Variants in RALGAPA2 observed in about 807,000 individuals in gnomAD.
RALGAPA2 encodes ral GTPase-activating protein subunit alpha-2.
A neutral mutation model predicts 230.4 loss-of-function variants in RALGAPA2; 139 were observed. The observed-to-expected ratio is 0.60, with a 90% confidence interval of 0.53 to 0.69. The LOEUF is 0.69. Among genes scored for constraint, RALGAPA2 ranks in the 30% least tolerant of loss-of-function variants. The pLI is 0.00. For synonymous variants in RALGAPA2, 847 were observed against 837.8 expected (o/e 1.01, Z -0.19); for missense variants, 2,163 against 2,276.0 (o/e 0.95, Z 1.01).
At chr20:20,662,895 A>G (rs1334265350) in intron 3 of RALGAPA2, among the ~76,000 whole-genome samples, 1 of 152,232 alleles carries the variant, frequency 6.6e-6, no homozygotes, top group Non-Finnish European at 1.5e-5. Context: ...GGCAAGGAAG[A>G]GCATTTCAGG....
chr20:20,470,864 A>T (rs534822353), intron 37 of RALGAPA2: 1 of 152,324 alleles, frequency 6.6e-6, no homozygotes, highest in African/African-American at 2.4e-5. Context: ...AAAAGAATAG[A>T]GTAGTTAAAT....
chr20:20,621,080 G>A (rs1407181958), intron 10 of RALGAPA2, among the ~76,000 whole-genome samples: 3 of 150,974 alleles, frequency 2.0e-5, no homozygotes, highest in Non-Finnish European at 4.4e-5. Flanking sequence ...GGTGGAGGTT[G>A]CAGTGAGTCA....
At chr20:20,635,244 C>T (rs1171977179) in intron 9 of RALGAPA2, 174 bp downstream of exon 9, 2 of 680,036 alleles carry the variant, frequency 2.9e-6, no homozygotes, top group Non-Finnish European at 5.0e-6. Flanking sequence ...GTGATTCAAA[C>T]TCACAACTCC....
In RALGAPA2 at chr20:20,701,869, G is replaced by A. The variant is rs148130556; in HGVS notation, c.106+10506C>T. ...AGCCTGGCCAAGATGGTGAAACCCC[G>A]TCTCTACTAAAAATACAAAAATTAG... On this transcript the variant is annotated intron_variant, in intron 1 of 39. Transcript: ENST00000202677. 2.4e-4 allele frequency among the ~76,000 whole-genome samples: 37 copies of A among 151,778 alleles called. 1 individual carries two copies. Among genetic ancestry groups the A allele is most frequent in the African/African-American group, 6.8e-4 (28 of 41,386 alleles).
At chr20:20,492,516 C>T (rs778662819) in intron 36 of RALGAPA2, among the ~76,000 whole-genome samples, 4 of 152,152 alleles carry the variant, frequency 2.6e-5, no homozygotes, top group Non-Finnish European at 5.9e-5. Flanking sequence ...CCTTCCCTTC[C>T]ACAGTAAGGA....
chr20:20,535,598 A>G (rs2063475854), intron 26 of RALGAPA2, 147 bp downstream of exon 26: 1 of 1,226,010 alleles, frequency 8.2e-7, no homozygotes, highest in Non-Finnish European at 1.1e-6. Context: ...CATGCAAAGC[A>G]TCTTCCTGGC....
At chr20:20,529,321 G>A (rs2063309601) in intron 27 of RALGAPA2, among the ~76,000 whole-genome samples, 1 of 152,164 alleles carries the variant, frequency 6.6e-6, no homozygotes, top group Middle Eastern at 3.2e-3. Context: ...ATGCTGTGCT[G>A]GGATAGCGGA....
chr20:20,413,724 C>T (rs2060110302), intron 37 of RALGAPA2, among the ~76,000 whole-genome samples: 1 of 152,192 alleles, frequency 6.6e-6, no homozygotes, highest in Non-Finnish European at 1.5e-5. Flanking sequence ...CAACCTCAAG[C>T]AAGGAAAATG....
rs139019117 is a variant in RALGAPA2 at position 20,505,228 on chromosome 20, T to A, written c.5052+183A>T. 4,062 of 953,830 alleles carry A rather than the reference T, an allele frequency of 4.3e-3. 9 individuals are homozygous for A. The highest frequency in any genetic ancestry group is 4.7e-3 in the Non-Finnish European group (3,782 of 801,286). The allele number at this position is 953,830 out of a possible 1,614,324, so 59.1% of individuals were successfully genotyped here. Reference sequence around the variant, plus strand: ...GAGGAAAGTTAAAGGAAAACAAAAGTTCATGTATTAAATACTGACAAGCAA... The same window carrying A: ...GAGGAAAGTTAAAGGAAAACAAAAGATCATGTATTAAATACTGACAAGCAA... On this transcript the variant is annotated intron_variant, in intron 34 of 39. Transcript: ENST00000202677.
intron 3 of RALGAPA2, among the ~76,000 whole-genome samples, chr20:20,674,615 G>A (rs989545314): frequency 3.3e-5 from 5 of 152,204 alleles, no homozygotes; most frequent in Non-Finnish European, 7.3e-5. Context: ...TAGACAAAAT[G>A]TAGGAATTAA....
intron 33 of RALGAPA2, among the ~76,000 whole-genome samples, chr20:20,507,449 T>A (rs1262680682): frequency 2.6e-5 from 4 of 152,176 alleles, no homozygotes; most frequent in Non-Finnish European, 5.9e-5. Flanking sequence ...TTCCAGTGAT[T>A]CTCGTGCCTC....
chr20:20,541,263 C>A (rs2063635313), intron 24 of RALGAPA2, among the ~76,000 whole-genome samples: 1 of 152,002 alleles, frequency 6.6e-6, no homozygotes, highest in Non-Finnish European at 1.5e-5. Context: ...CATTCCAAGA[C>A]CCCCTCAGTG....
At chr20:20,525,781 T>A (rs2063182564) in intron 28 of RALGAPA2, among the ~76,000 whole-genome samples, 1 of 152,182 alleles carries the variant, frequency 6.6e-6, no homozygotes, top group Non-Finnish European at 1.5e-5. Flanking sequence ...TCCTACCAGT[T>A]ACCCCCACAA....
At chr20:20,552,463 G>A (rs1472644538) in intron 23 of RALGAPA2, among the ~76,000 whole-genome samples, 1 of 152,150 alleles carries the variant, frequency 6.6e-6, no homozygotes, top group East Asian at 1.9e-4. Flanking sequence ...GTTTTTTAGA[G>A]AAGATGCCTG....
intron 23 of RALGAPA2, among the ~76,000 whole-genome samples, chr20:20,565,414 T>C (rs1397955184): frequency 6.6e-6 from 1 of 152,198 alleles, no homozygotes; most frequent in South Asian, 2.1e-4. Flanking sequence ...GAGTCAGGTA[T>C]GGCCAATTTA....
intron 37 of RALGAPA2, among the ~76,000 whole-genome samples, chr20:20,469,517 T>A (rs1355866886): frequency 6.6e-6 from 1 of 152,228 alleles, no homozygotes; most frequent in Non-Finnish European, 1.5e-5. Context: ...GTTCTCTCCA[T>A]CAAATGCTGA....
At chr20:20,488,708 T>C (rs2061975421) in intron 36 of RALGAPA2, among the ~76,000 whole-genome samples, 1 of 152,238 alleles carries the variant, frequency 6.6e-6, no homozygotes, top group Non-Finnish European at 1.5e-5. Flanking sequence ...GCCTCCTTCC[T>C]GCCCATTCTA....
chr20:20,402,715 G>A (rs2063573394), intron 38 of RALGAPA2, among the ~76,000 whole-genome samples: 1 of 152,208 alleles, frequency 6.6e-6, no homozygotes, highest in Non-Finnish European at 1.5e-5. Flanking sequence ...GGGAATACAT[G>A]GCGAGTAAAC....
intron 26 of RALGAPA2, among the ~76,000 whole-genome samples, chr20:20,532,697 G>C (rs1640325276): frequency 6.6e-6 from 1 of 152,170 alleles, no homozygotes; most frequent in South Asian, 2.1e-4. Flanking sequence ...TGAGCAAGAA[G>C]ATGGTATTTA....
Sources: allele counts gnomAD v4.1 joint callset (sites outside exome capture counted in the v4.1 genomes callset), GRCh38; gene constraint gnomAD v4.1.1; transcripts MANE v1.5; gene names NCBI Gene and HGNC (gene_info 2026-07-23, HGNC 2026-07-21).